Variants in PDE1A observed in about 807,000 individuals in gnomAD.
The protein encoded by PDE1A is dual specificity calcium/calmodulin-dependent 3',5'-cyclic nucleotide phosphodiesterase 1A.
PDE1A carries 35 observed loss-of-function variants against 61.7 expected under a neutral mutation model. That is an observed-to-expected ratio of 0.57 (90% CI 0.43 to 0.75). PDE1A has a LOEUF of 0.75. PDE1A is among the 30% of genes least tolerant of loss of function. PDE1A has a pLI of 0.00. For missense variants in PDE1A, 597 were observed against 630.6 expected (o/e 0.95, Z 0.57); for synonymous variants, 232 against 213.2 (o/e 1.09, Z -0.77).
At chr2:182,352,654 T>G (rs1483809019) in intron 1 of PDE1A, among the ~76,000 whole-genome samples, 1 of 76,112 alleles carries the variant, frequency 1.3e-5, no homozygotes, top group Non-Finnish European at 3.3e-5. Flanking sequence ...CACTCTGTTG[T>G]TTTTTTTTTT....
chr2:182,481,236 G>A (rs1466107290), intron 2 of PDE1A, among the ~76,000 whole-genome samples: 1 of 151,752 alleles, frequency 6.6e-6, no homozygotes, highest in Non-Finnish European at 1.5e-5. Flanking sequence ...CATAACTAGG[G>A]ACAATTGTAA....
At chr2:182,148,435 TA>T (rs753161576) in intron 13 of PDE1A, among the ~76,000 whole-genome samples, 15 of 152,218 alleles carry the variant, frequency 9.9e-5, no homozygotes, top group Non-Finnish European at 8.8e-5. Context: ...GGCAGGCGTT[TA>T]CAGCTGCCTT....
chr2:182,354,963 G>C (rs532583779), intron 1 of PDE1A, among the ~76,000 whole-genome samples: 1 of 151,946 alleles, frequency 6.6e-6, no homozygotes, highest in African/African-American at 2.4e-5. Context: ...GGTTCCTAGA[G>C]AACTTTTGAT....
exon 15 of PDE1A, chr2:182,141,717 T>G (rs1690234990): frequency 6.6e-6 from 1 of 152,202 alleles, no homozygotes; most frequent in African/African-American, 2.4e-5. Context: ...AAATATTGCT[T>G]AACATTGTGG....
chr2:182,349,395 C>T (rs1698721310), intron 1 of PDE1A, among the ~76,000 whole-genome samples: 1 of 152,156 alleles, frequency 6.6e-6, no homozygotes, highest in Non-Finnish European at 1.5e-5. Context: ...GGGATCTTAA[C>T]TACAACAACA....
At chr2:182,589,910 A>T in the PDE1A span, among the ~76,000 whole-genome samples, 1 of 152,214 alleles carries the variant, frequency 6.6e-6, no homozygotes, top group South Asian at 2.1e-4. Context: ...TATAATAATC[A>T]GCCAGGCTTC....
At chr2:182,390,151 T>C (rs1390013924) in intron 1 of PDE1A, among the ~76,000 whole-genome samples, 1 of 152,156 alleles carries the variant, frequency 6.6e-6, no homozygotes, top group Non-Finnish European at 1.5e-5. Context: ...ATCCCACTAG[T>C]TCTGTCCCTC....
At chr2:182,231,057 A>G in exon 5 of PDE1A, 2 of 1,607,800 alleles carry the variant, frequency 1.2e-6, no homozygotes, top group Non-Finnish European at 1.7e-6. Flanking sequence ...ACAGTTCATA[A>G]ATCATAAACT....
chr2:182,627,094 T>TA, the PDE1A span, among the ~76,000 whole-genome samples: 1 of 34,542 alleles, frequency 2.9e-5, no homozygotes. Flanking sequence ...AATGATATAT[T>TA]ATGTATATAT....
chr2:182,428,207 G>A (rs971788913), upstream of PDE1A, among the ~76,000 whole-genome samples: 1 of 152,076 alleles, frequency 6.6e-6, no homozygotes, highest in Non-Finnish European at 1.5e-5. Context: ...GGCCACTGTG[G>A]GCAAATTTCT....
intron 2 of PDE1A, among the ~76,000 whole-genome samples, chr2:182,506,349 A>C (rs1689414144): frequency 6.6e-6 from 1 of 152,254 alleles, no homozygotes; most frequent in African/African-American, 2.4e-5. Flanking sequence ...CCAAATAAAC[A>C]GCCATTTTAT....
the PDE1A span, among the ~76,000 whole-genome samples, chr2:182,543,320 C>A: frequency 3.3e-5 from 5 of 152,196 alleles, no homozygotes; most frequent in Non-Finnish European, 7.3e-5. Flanking sequence ...AAGTAGCCGA[C>A]TATTCTACTC....
At chr2:182,385,671 AAAGAAAAG>A (rs1701002432) in intron 1 of PDE1A, among the ~76,000 whole-genome samples, 4 of 128,432 alleles carry the variant, frequency 3.1e-5, no homozygotes, top group Non-Finnish European at 7.0e-5. Context: ...AGAAAAAAAG[AAAGAAAAG>A]AAAGAAAGAA....
At chr2:182,617,457 C>G in the PDE1A span, among the ~76,000 whole-genome samples, 1 of 152,186 alleles carries the variant, frequency 6.6e-6, no homozygotes, top group African/African-American at 2.4e-5. Context: ...GAATCTATAT[C>G]CTTTGTTGTA....
rs528534168 is a variant in PDE1A, at chr2:182,203,498, C to T, written c.903-1709G>A. Reference sequence around the variant, plus strand: ...AAATTATTCTCAATTACATTTTTTTCGCTGAAAATATGACAAGACCCATAT... The same window carrying T: ...AAATTATTCTCAATTACATTTTTTTTGCTGAAAATATGACAAGACCCATAT... On this transcript the variant is annotated intron_variant, in intron 8 of 13. Coordinates refer to ENST00000351439, the Ensembl canonical transcript of PDE1A. Among the ~76,000 whole-genome samples the T allele has an allele frequency of 2.5e-3, 383 of 152,050 alleles. 3 individuals carry two copies. The highest frequency in any genetic ancestry group is 8.4e-3 in the African/African-American group (349 of 41,502).
intron 2 of PDE1A, among the ~76,000 whole-genome samples, chr2:182,246,290 A>G (rs1415256863): frequency 6.6e-6 from 1 of 151,572 alleles, no homozygotes; most frequent in Non-Finnish European, 1.5e-5. Context: ...TGTGTGAATC[A>G]TTTCCTTACT....
chr2:182,579,558 A>G, the PDE1A span, among the ~76,000 whole-genome samples: 1 of 152,322 alleles, frequency 6.6e-6, no homozygotes, highest in Non-Finnish European at 1.5e-5. Context: ...GTTCTCCCCA[A>G]GTGGCATGGT....
intron 2 of PDE1A, among the ~76,000 whole-genome samples, chr2:182,259,222 A>G (rs1692052769): frequency 6.6e-6 from 1 of 152,186 alleles, no homozygotes. Flanking sequence ...AAGACGCAAA[A>G]GTCAACTGAT....
intron 1 of PDE1A, among the ~76,000 whole-genome samples, chr2:182,291,904 A>G (rs994341179): frequency 5.3e-5 from 8 of 152,260 alleles, no homozygotes; most frequent in Non-Finnish European, 1.2e-4. Flanking sequence ...GAGAATAAAT[A>G]TATTCATTGT....
Sources: allele counts gnomAD v4.1 joint callset (sites outside exome capture counted in the v4.1 genomes callset), GRCh38; gene constraint gnomAD v4.1.1; transcripts MANE v1.5; gene names NCBI Gene and HGNC (gene_info 2026-07-23, HGNC 2026-07-21).